Variants in CTBP2 observed in about 807,000 individuals in gnomAD.
The protein encoded by CTBP2 is C-terminal binding protein 2.
A neutral mutation model predicts 80.3 loss-of-function variants in CTBP2; 30 were observed. The ratio of observed to expected loss-of-function variants is 0.37; its 90% confidence interval spans 0.28 to 0.51. The LOEUF (loss-of-function observed/expected upper bound fraction) is 0.51. Among genes scored for constraint, CTBP2 ranks in the 20% least tolerant of loss-of-function variants. The pLI is 0.93. For missense variants in CTBP2, 1,212 were observed against 1,375.3 expected (o/e 0.88, Z 1.88); for synonymous variants, 594 against 587.4 (o/e 1.01, Z -0.16).
chr10:125,098,237 T>C (rs1413505729), intron 2 of CTBP2, among the ~76,000 whole-genome samples: 1 of 151,986 alleles, frequency 6.6e-6, no homozygotes, highest in Non-Finnish European at 1.5e-5. Context: ...ACTGAGACGG[T>C]CCCAGCCATC....
chr10:125,045,150 C>T (rs900777647), intron 2 of CTBP2, among the ~76,000 whole-genome samples: 5 of 152,062 alleles, frequency 3.3e-5, no homozygotes, highest in East Asian at 1.9e-4. Flanking sequence ...TTACCCAGTC[C>T]GTAGTACCCA....
chr10:125,070,823 G>T (rs1288918265), intron 2 of CTBP2, among the ~76,000 whole-genome samples: 1 of 128,554 alleles, frequency 7.8e-6, no homozygotes, highest in African/African-American at 2.8e-5. Context: ...CTGCCGCCAC[G>T]CCCGGCTAAT....
intron 1 of CTBP2, among the ~76,000 whole-genome samples, chr10:125,113,799 A>C (rs969752001): frequency 6.6e-6 from 1 of 152,196 alleles, no homozygotes; most frequent in African/African-American, 2.4e-5. Flanking sequence ...GCCTTGTAGA[A>C]GGCTTCACAG....
At chr10:124,992,475 G>A (rs560312549) in intron 8 of CTBP2, among the ~76,000 whole-genome samples, 3 of 152,122 alleles carry the variant, frequency 2.0e-5, no homozygotes, top group Admixed American at 6.5e-5. Flanking sequence ...ACATCTGACC[G>A]AACACACCCC....
chr10:125,128,501 A>G (rs1267165895), intron 1 of CTBP2, among the ~76,000 whole-genome samples: 1 of 152,184 alleles, frequency 6.6e-6, no homozygotes, highest in African/African-American at 2.4e-5. Context: ...AATATAGAGG[A>G]CACAGCTACA....
Position 125,027,770 on chromosome 10 carries a change from A to G in CTBP2, c.-11T>C. ...GCTGGGAACTGGCATTGGAAAAAAA[A>G]TGACTGCGGATGAGGCAGAGGAGAA... is the stretch of plus-strand genomic sequence containing the variant. On this transcript the variant is annotated 5_prime_UTR_variant, in exon 1 of 9. Transcript: ENST00000309035. 2 of 1,549,250 alleles carry G rather than the reference A, an allele frequency of 1.3e-6. No homozygotes were observed. Among genetic ancestry groups the G allele is most frequent in the South Asian group, 1.2e-5 (1 of 84,922 alleles).
At chr10:124,990,422 T>C (rs548638363) in intron 8 of CTBP2, among the ~76,000 whole-genome samples, 1 of 152,344 alleles carries the variant, frequency 6.6e-6, no homozygotes, top group South Asian at 2.1e-4. Context: ...TATAAAACAC[T>C]GGCAACTAAT....
chr10:124,992,654 T>G, intron 8 of CTBP2, 41 bp downstream of exon 10: 1 of 1,481,014 alleles, frequency 6.8e-7, no homozygotes, highest in Non-Finnish European at 9.2e-7. Flanking sequence ...CCCGGGGCCG[T>G]GGTGCTCACA....
chr10:124,993,937 C>A lies in CTBP2; in HGVS notation c.2449G>T (p.Asp817Tyr). The A allele has an allele frequency of 6.2e-7, 1 of 1,614,198 alleles. No homozygotes were observed. The highest frequency in any genetic ancestry group is 8.5e-7 in the Non-Finnish European group (1 of 1,180,042). The change falls in exon 6 of 9, where the codon GAC becomes TAC. Residue 817 changes from aspartate (D) to tyrosine (Y), a missense_variant. Asp to Tyr is a radical substitution (Grantham distance 160). Around this residue, in one of 3 missense-constraint regions of CTBP2, gnomAD observed 335 missense variants for 504.7 expected, o/e 0.66. Transcript: ENST00000309035. ...AGGGCTTGTGCTAAGGCTTTCTCGT[C>A]CACCAGGCCGCCACGGGCTGCGTTC...
intron 1 of CTBP2, among the ~76,000 whole-genome samples, chr10:125,015,010 T>C (rs1413477867): frequency 6.6e-6 from 1 of 152,170 alleles, no homozygotes; most frequent in Non-Finnish European, 1.5e-5. Context: ...TACTCTGCGG[T>C]GTGGAGGATG....
intron 1 of CTBP2, among the ~76,000 whole-genome samples, chr10:125,143,157 C>T (rs1335383997): frequency 6.6e-6 from 1 of 152,202 alleles, no homozygotes; most frequent in African/African-American, 2.4e-5. Flanking sequence ...AGTAGGGGTG[C>T]ACCTTCATTC....
At chr10:125,031,488 C>CAAAAA (rs11463934), upstream of CTBP2, among the ~76,000 whole-genome samples, 7 of 33,696 alleles carry the variant, frequency 2.1e-4, no homozygotes, top group African/African-American at 8.4e-4. Flanking sequence ...GACTCCATTT[C>CAAAAA]AAAAAAAAAA....
chr10:125,012,641 G>T (rs1270627263), intron 1 of CTBP2, among the ~76,000 whole-genome samples: 1 of 152,160 alleles, frequency 6.6e-6, no homozygotes. Flanking sequence ...ACTAAAAATT[G>T]TTGTTGTTGT....
intron 1 of CTBP2, among the ~76,000 whole-genome samples, chr10:125,010,219 T>TTTAAA (rs552007928): frequency 7.5e-5 from 8 of 105,988 alleles, no homozygotes; most frequent in African/African-American, 2.9e-4. Flanking sequence ...ATTTTAAGGT[T>TTTAAA]AAAAAAAAAA....
At chr10:125,067,078 C>G (rs953087882) in intron 2 of CTBP2, among the ~76,000 whole-genome samples, 1 of 152,098 alleles carries the variant, frequency 6.6e-6, no homozygotes, top group Non-Finnish European at 1.5e-5. Context: ...CATTATTGGC[C>G]GGCAAAGGCT....
chr10:125,133,295 T>C (rs1306189136), intron 1 of CTBP2, among the ~76,000 whole-genome samples: 1 of 152,156 alleles, frequency 6.6e-6, no homozygotes, highest in Non-Finnish European at 1.5e-5. Flanking sequence ...GGTAAGTATG[T>C]AGAGATGGGA....
chr10:125,085,759 G>T (rs1002940781), intron 2 of CTBP2, among the ~76,000 whole-genome samples: 1 of 152,176 alleles, frequency 6.6e-6, no homozygotes, highest in Non-Finnish European at 1.5e-5. Context: ...TACTATATGA[G>T]TTCACTCAAA....
intron 2 of CTBP2, among the ~76,000 whole-genome samples, chr10:125,067,123 A>C (rs530184837): frequency 2.0e-5 from 3 of 152,210 alleles, no homozygotes; most frequent in Non-Finnish European, 4.4e-5. Context: ...TTTTATTTAG[A>C]GATTACACAA....
chr10:124,986,743 C>T lies in CTBP2; in HGVS notation c.*2775G>A, dbSNP rs1466431683. 3 of 152,140 alleles carry T rather than the reference C, an allele frequency of 2.0e-5. No individual in the cohort carries two copies. The highest frequency in any genetic ancestry group is 6.6e-5 in the Admixed American group (1 of 15,262). The allele number at this position is 152,140 out of a possible 1,614,324, so 9.4% of individuals were successfully genotyped here. On this transcript the variant is annotated 3_prime_UTR_variant, in exon 9 of 9. Transcript: ENST00000309035. ...CTACTTAGCATCTGTAGTAATTTCT[C>T]TATGTATAGGGATAATTTTTTAGTG...
Sources: gnomAD v4.1 joint callset for allele counts (sites outside exome capture counted in the v4.1 genomes callset) on GRCh38, gnomAD v4.1.1 for gene constraint, gnomAD v4.1.1 regional missense constraint, MANE v1.5 for transcripts, NCBI Gene and HGNC (gene_info 2026-07-23, HGNC 2026-07-21) for gene names.